The following RAB39B variants were observed in gnomAD, a reference collection of about 807,000 sequenced individuals.
The protein encoded by RAB39B is RAB39B, member RAS oncogene family.
For synonymous variants in RAB39B, 63 were observed against 67.5 expected (o/e 0.93, Z 0.33); for missense variants, 68 against 171.3 (o/e 0.40, Z 3.37).
At chrX:155,262,282 G>C (rs1402902071) in intron 1 of RAB39B, among the ~76,000 whole-genome samples, 5 of 112,109 alleles carry the variant, frequency 4.5e-5, no homozygotes, top group Admixed American at 9.5e-5. Context: ...AATGTTAGCA[G>C]AACAAGCATT....
chrX:155,263,053 T>C (rs2074858368), intron 1 of RAB39B, among the ~76,000 whole-genome samples: 2 of 112,183 alleles, frequency 1.8e-5, no homozygotes. Flanking sequence ...ACTTGGGCTA[T>C]TGAGTTTTCT....
In RAB39B at chrX:155,260,950, T is replaced by C; in HGVS notation, c.495A>G (p.Thr165=). The change falls in exon 2 of 2, where the codon ACA becomes ACG. Residue 165 remains threonine, a synonymous_variant. Coordinates refer to ENST00000369454, the MANE Select transcript of RAB39B (RefSeq NM_171998.4). ...GCTCATATATGTCTCTTGTCAGGTCTGTGAAGGCTTTCTCCACATTAATGG... is the reference window on the plus strand; with the variant it reads ...GCTCATATATGTCTCTTGTCAGGTCCGTGAAGGCTTTCTCCACATTAATGG... ...RDAINVEKAF[T]DLTRDIYELV... is the part of the protein sequence containing the mutation. 8.3e-7 allele frequency: 1 copy of C among 1,211,748 alleles called. No individual in the cohort carries two copies. The highest frequency in any genetic ancestry group is 1.1e-6 in the Non-Finnish European group (1 of 895,456).
intron 1 of RAB39B, 44 bp from the exon 2 acceptor site, chrX:155,261,273 C>A (rs2074852948): frequency 2.0e-6 from 2 of 1,006,688 alleles, no homozygotes; most frequent in African/African-American, 3.8e-5. Context: ...TGTGCCCAAA[C>A]TTCTGCATGT....
Position 155,264,334 on chromosome X carries a change from G to C in RAB39B, c.-46C>G, listed in dbSNP as rs1235763858. The C allele has an allele frequency of 8.8e-7, 1 of 1,133,235 alleles. No individual in the cohort carries two copies. Among genetic ancestry groups the C allele is most frequent in the Non-Finnish European group, 1.2e-6 (1 of 825,001 alleles). The allele number at this position is 1,133,235 out of a possible 1,213,427, so 93.4% of individuals were successfully genotyped here. Reference sequence around the variant, plus strand: ...CCTTGGCCCGGACCGGGGACGGCGGGAGGGGGCGCCCCGCCGACGCCTCAG... The same window carrying C: ...CCTTGGCCCGGACCGGGGACGGCGGCAGGGGGCGCCCCGCCGACGCCTCAG... On this transcript the variant is annotated 5_prime_UTR_variant, in exon 1 of 2. Transcript: ENST00000369454.
chrX:155,263,510 G>A (rs1416041422), intron 1 of RAB39B, among the ~76,000 whole-genome samples: 1 of 112,160 alleles, frequency 8.9e-6, no homozygotes, highest in Non-Finnish European at 1.9e-5. Context: ...TAGATTACAT[G>A]GCATCCCCTT....
chrX:155,264,066 G>A lies in RAB39B; in HGVS notation c.215+8C>T. The A allele has an allele frequency of 1.7e-6, 2 of 1,206,876 alleles. No homozygotes were observed. The highest frequency in any genetic ancestry group is 2.2e-6 in the Non-Finnish European group (2 of 891,651). On this transcript the variant is annotated splice_region_variant and intron_variant, in intron 1 of 1. Coordinates refer to ENST00000369454, the MANE Select transcript of RAB39B (RefSeq NM_171998.4). ...CCCACTGCTTGCGGGCCCGGACTGC[G>A]CTCCCACCTGAACCTCTCTTGACCC... is the stretch of plus-strand genomic sequence containing the variant.
intron 1 of RAB39B, among the ~76,000 whole-genome samples, chrX:155,261,681 G>C (rs2074854356): frequency 9.0e-6 from 1 of 111,641 alleles, no homozygotes; most frequent in Non-Finnish European, 1.9e-5. Flanking sequence ...CTGTGACGTG[G>C]AGAGTTCATT....
At position 155,261,096 on chromosome X, in the gene RAB39B, C is replaced by T. The variant is rs1557314233; in HGVS notation, c.349G>A (p.Val117Ile). The change falls in exon 2 of 2, where the codon GTA becomes ATA. Residue 117 changes from valine (V) to isoleucine (I), a missense_variant. Physicochemically the swap from Val to Ile is conservative, Grantham distance 29. Coordinates refer to ENST00000369454, the MANE Select transcript of RAB39B (RefSeq NM_171998.4). ...TKVHVQPYQIVFVLVGHKCDL... is the reference protein window; with the variant it reads ...TKVHVQPYQIIFVLVGHKCDL... ...CACTTGTGACCCACCAGAACAAATA[C>T]AATTTGGTAGGGCTGAACGTGTACT... The T allele has an allele frequency of 3.3e-6, 4 of 1,211,652 alleles. No individual in the cohort carries two copies. The highest frequency in any genetic ancestry group is 3.5e-5 in the South Asian group (2 of 56,992).
Position 155,260,530 on chromosome X carries a change from T to C in RAB39B, c.*273A>G. 2.6e-6 allele frequency: 1 copy of C among 384,939 alleles called. No individual in the cohort carries two copies. The allele number at this position is 384,939 out of a possible 1,213,427, so 31.7% of individuals were successfully genotyped here. A position where few individuals can be genotyped will look rare whatever the true frequency, so the allele number is the denominator to read the frequency against. On this transcript the variant is annotated 3_prime_UTR_variant, in exon 2 of 2. Transcript: ENST00000369454. ...CTTCCTAAACCCCAGGCCTTTAACA[T>C]GTGGTCCACAAAGGGCTCATGGAGC...
intron 1 of RAB39B, among the ~76,000 whole-genome samples, chrX:155,261,680 G>A (rs1479698508): frequency 9.0e-6 from 1 of 111,444 alleles, no homozygotes; most frequent in Non-Finnish European, 1.9e-5. Context: ...TCTGTGACGT[G>A]GAGAGTTCAT....
chrX:155,264,012 C>T, intron 1 of RAB39B, 62 bp downstream of exon 1: 5 of 1,052,657 alleles, frequency 4.7e-6, no homozygotes, highest in Non-Finnish European at 6.6e-6. Flanking sequence ...TCCTCTCTCC[C>T]CAGAGGCGGT....
intron 1 of RAB39B, among the ~76,000 whole-genome samples, chrX:155,262,971 C>T (rs1222956588): frequency 1.8e-5 from 2 of 112,387 alleles, no homozygotes; most frequent in African/African-American, 3.2e-5. Context: ...CTCCTTACCC[C>T]TCTTCAATTA....
At position 155,260,657 on chromosome X, in the gene RAB39B, A is replaced by C. The variant is rs1557314177; in HGVS notation, c.*146T>G. On this transcript the variant is annotated 3_prime_UTR_variant, in exon 2 of 2. Coordinates refer to ENST00000369454, the MANE Select transcript of RAB39B (RefSeq NM_171998.4). ...CTCAGGCACCCCCATCCACCCGCAC[A>C]CGAGTCTGTCAGAGTCCCCCTGAGA... is the stretch of plus-strand genomic sequence containing the variant. 2 of 620,409 alleles carry C rather than the reference A, an allele frequency of 3.2e-6. No individual in the cohort carries two copies. The highest frequency in any genetic ancestry group is 4.4e-5 in the African/African-American group (2 of 45,659). The allele number at this position is 620,409 out of a possible 1,213,427, so 51.1% of individuals were successfully genotyped here.
At position 155,261,837 on chromosome X, in the gene RAB39B, TTTA is replaced by T. The variant is rs781787000; in HGVS notation, c.216-611_216-609del. Among the ~76,000 whole-genome samples, 166 of 108,205 alleles carry T rather than the reference TTTA, an allele frequency of 1.5e-3. 1 individual carries two copies. Among genetic ancestry groups the T allele is most frequent in the African/African-American group, 4.5e-3 (135 of 30,016 alleles). The allele number at this position is 108,205 out of a possible 115,157, so 94.0% of individuals were successfully genotyped here. A position where few individuals can be genotyped will look rare whatever the true frequency, so the allele number is the denominator to read the frequency against. ...TTTTCTCTTTCCATTATTATTATTGTTTATTATTATTATTATTATTATTATTAG... is the reference window on the plus strand; with the variant it reads ...TTTTCTCTTTCCATTATTATTATTGTTTATTATTATTATTATTATTATTAG... On this transcript the variant is annotated intron_variant, in intron 1 of 1. Coordinates refer to ENST00000369454, the MANE Select transcript of RAB39B (RefSeq NM_171998.4).
At position 155,261,569 on chromosome X, in the gene RAB39B, C is replaced by G. The variant is rs112116806; in HGVS notation, c.216-340G>C. On this transcript the variant is annotated intron_variant, in intron 1 of 1. Transcript: ENST00000369454. The stretch of plus-strand genomic sequence containing the variant: ...AAACTACAACTAACTCTCCCACCCC[C>G]CAAATCTGAATAACTGACAGAGACT... Among the ~76,000 whole-genome samples the G allele has an allele frequency of 2.9e-3, 320 of 110,645 alleles. 3 individuals carry two copies. Among genetic ancestry groups the G allele is most frequent in the Middle Eastern group, 0.023 (5 of 215 alleles).
Position 155,263,195 on chromosome X carries a change from A to G in RAB39B, c.215+879T>C, listed in dbSNP as rs12009907. Among the ~76,000 whole-genome samples, 706 of 111,932 alleles carry G rather than the reference A, an allele frequency of 6.3e-3. 9 individuals carry two copies. The highest frequency in any genetic ancestry group is 0.022 in the African/African-American group (671 of 30,808). ...CCCTGGGCGTTTCCTGTCTTTGCTT[A>G]GGCAGTCATACTCATCCGGTCTCAT... On this transcript the variant is annotated intron_variant, in intron 1 of 1. Coordinates refer to ENST00000369454, the MANE Select transcript of RAB39B (RefSeq NM_171998.4).
Position 155,259,854 on chromosome X carries a change from A to G in RAB39B, c.*949T>C, listed in dbSNP as rs1351471185. The G allele has an allele frequency of 8.9e-6, 1 of 111,938 alleles. No homozygotes were observed. The highest frequency in any genetic ancestry group is 2.8e-4 in the East Asian group (1 of 3,593). 9.2% of individuals were successfully genotyped at this position (111,938 alleles called of 1,213,427 possible). ...GGGGCAAAAACCTCGTAGGCCTGTT[A>G]TGATGATCAAATAAGTAGCCCAAGT... is the stretch of plus-strand genomic sequence containing the variant. On this transcript the variant is annotated 3_prime_UTR_variant, in exon 2 of 2. Transcript: ENST00000369454.
chrX:155,260,656 C>T lies in RAB39B; in HGVS notation c.*147G>A, dbSNP rs1557314175. ...ACTCAGGCACCCCCATCCACCCGCACACGAGTCTGTCAGAGTCCCCCTGAG... is the reference window on the plus strand; with the variant it reads ...ACTCAGGCACCCCCATCCACCCGCATACGAGTCTGTCAGAGTCCCCCTGAG... On this transcript the variant is annotated 3_prime_UTR_variant, in exon 2 of 2. Coordinates refer to ENST00000369454, the MANE Select transcript of RAB39B (RefSeq NM_171998.4). The T allele has an allele frequency of 3.2e-6, 2 of 619,508 alleles. No individual in the cohort carries two copies. Among genetic ancestry groups the T allele is most frequent in the East Asian group, 3.3e-5 (1 of 30,710 alleles). The allele number at this position is 619,508 out of a possible 1,213,427, so 51.1% of individuals were successfully genotyped here. A position where few individuals can be genotyped will look rare whatever the true frequency, so the allele number is the denominator to read the frequency against.
chrX:155,263,962 C>T (rs781905658), intron 1 of RAB39B, 112 bp downstream of exon 1: 38 of 732,345 alleles, frequency 5.2e-5, no homozygotes, highest in Non-Finnish European at 1.3e-5. Flanking sequence ...CCTCAAGACC[C>T]TTGGTGTTGC....
Sources: gnomAD v4.1 joint callset for allele counts (sites outside exome capture counted in the v4.1 genomes callset) on GRCh38, gnomAD v4.1.1 for gene constraint, MANE v1.5 for transcripts, NCBI Gene and HGNC (gene_info 2026-07-23, HGNC 2026-07-21) for gene names.